The following FGF12 variants were observed in gnomAD, a reference collection of about 807,000 sequenced individuals.
FGF12 encodes fibroblast growth factor 12, also known as fibroblast growth factor 12B.
FGF12 carries 14 observed loss-of-function variants against 23.6 expected under a neutral mutation model. The ratio of observed to expected loss-of-function variants is 0.59; its 90% confidence interval spans 0.39 to 0.93. The LOEUF is 0.93. Among genes scored for constraint, FGF12 ranks in the 40% least tolerant of loss-of-function variants. FGF12 has a pLI of 0.00. For missense variants in FGF12, 175 were observed against 217.8 expected (o/e 0.80, Z 1.24); for synonymous variants, 62 against 77.3 (o/e 0.80, Z 1.04).
chr3:192,526,110 A>G (rs781272636), intron 2 of FGF12, among the ~76,000 whole-genome samples: 5 of 152,130 alleles, frequency 3.3e-5, no homozygotes, highest in Admixed American at 6.6e-5. Context: ...ATGTTTTTGC[A>G]CATGATAGTT....
intron 2 of FGF12, among the ~76,000 whole-genome samples, chr3:192,468,495 G>A (rs186263046): frequency 1.3e-5 from 2 of 152,276 alleles, no homozygotes; most frequent in East Asian, 3.9e-4. Flanking sequence ...TTTGTAGACT[G>A]TCTCACAATT....
rs1713387736 is a variant in FGF12 at position 192,270,811 on chromosome 3, GGAAGGAAA to G, written c.228+64542_228+64549del. On this transcript the variant is annotated intron_variant, in intron 4 of 5. Coordinates refer to ENST00000445105, the MANE Select transcript of FGF12 (RefSeq NM_004113.6). ...GGGAAGGAAGGAAGGAAGGAAGGAA[GGAAGGAAA>G]GAAGGAAGGAAGGAAGGAAGATAAA... Among the ~76,000 whole-genome samples, 3 of 144,406 alleles carry G rather than the reference GGAAGGAAA, an allele frequency of 2.1e-5. No individual in the cohort carries two copies. In the South Asian group the frequency reaches 7.1e-4, roughly 34 times the overall value. The allele number at this position is 144,406 out of a possible 152,430, so 94.7% of individuals were successfully genotyped here.
In FGF12 at chr3:192,393,681, A is replaced by G. The variant is rs55678168; in HGVS notation, c.14-33143T>C. Among the ~76,000 whole-genome samples, 1,281 of 152,312 alleles carry G rather than the reference A, an allele frequency of 8.4e-3. 8 individuals carry two copies. The highest frequency in any genetic ancestry group is 0.024 in the Middle Eastern group (7 of 294). On this transcript the variant is annotated intron_variant, in intron 2 of 5. Transcript: ENST00000445105. ...TATGGAAATAGATAATGTGGATAAT[A>G]TACATGAATAAAATTCACAGAAACT...
intron 2 of FGF12, among the ~76,000 whole-genome samples, chr3:192,551,302 G>C (rs1711523328): frequency 6.6e-6 from 1 of 152,192 alleles, no homozygotes; most frequent in South Asian, 2.1e-4. Flanking sequence ...GTTTCGGGCT[G>C]GTAAGGTAGC....
chr3:192,418,468 C>CA lies in FGF12; in HGVS notation c.14-57931dup, dbSNP rs749219536. Among the ~76,000 whole-genome samples the CA allele has an allele frequency of 2.6e-5, 4 of 152,134 alleles. No homozygotes were observed. The East Asian group carries it at 7.7e-4, about 29-fold the overall frequency. ...AATCCTTTGAACCACAGAAAAATAT[C>CA]AAAAAACTCTGCGTTCCAATTATAG... is the stretch of plus-strand genomic sequence containing the variant. On this transcript the variant is annotated intron_variant, in intron 2 of 5. Transcript: ENST00000445105.
intron 4 of FGF12, among the ~76,000 whole-genome samples, chr3:192,260,729 G>A (rs1352505528): frequency 1.3e-5 from 2 of 152,136 alleles, no homozygotes; most frequent in Non-Finnish European, 2.9e-5. Context: ...CTTCTATGGA[G>A]GGAGGGCTGA....
chr3:192,323,733 G>A (rs1394236746), intron 4 of FGF12, among the ~76,000 whole-genome samples: 1 of 152,206 alleles, frequency 6.6e-6, no homozygotes, highest in African/African-American at 2.4e-5. Context: ...AAGGGTAAGT[G>A]TTTGAGGTAA....
chr3:192,535,152 G>A (rs1725194823), intron 2 of FGF12, among the ~76,000 whole-genome samples: 1 of 152,092 alleles, frequency 6.6e-6, no homozygotes. Context: ...GAAGAACAAT[G>A]CTGAATAATA....
At chr3:192,457,396 G>A (rs1722713632) in intron 2 of FGF12, among the ~76,000 whole-genome samples, 1 of 152,158 alleles carries the variant, frequency 6.6e-6, no homozygotes, top group Admixed American at 6.5e-5. Context: ...CTTGTTGAAT[G>A]GTTTTGACTA....
At chr3:192,274,423 T>A (rs1354205677) in intron 4 of FGF12, among the ~76,000 whole-genome samples, 1 of 152,164 alleles carries the variant, frequency 6.6e-6, no homozygotes, top group Non-Finnish European at 1.5e-5. Flanking sequence ...TTTATATACC[T>A]CACAAGAACT....
At chr3:192,608,302 T>C (rs2108637313) in intron 2 of FGF12, among the ~76,000 whole-genome samples, 1 of 152,252 alleles carries the variant, frequency 6.6e-6, no homozygotes, top group South Asian at 2.1e-4. Flanking sequence ...AAGAGTATAA[T>C]TGGAATGTTT....
intron 2 of FGF12, among the ~76,000 whole-genome samples, chr3:192,361,937 T>C (rs1264484292): frequency 6.6e-6 from 1 of 152,198 alleles, no homozygotes; most frequent in Non-Finnish European, 1.5e-5. Flanking sequence ...AACTGGAAAT[T>C]AGGTATTCTA....
chr3:192,656,622 C>A (rs911571125), intron 2 of FGF12, among the ~76,000 whole-genome samples: 1 of 152,100 alleles, frequency 6.6e-6, no homozygotes, highest in Non-Finnish European at 1.5e-5. Context: ...CACAGGACAG[C>A]CTCCCACCTC....
chr3:192,256,260 A>G (rs1253632266), intron 4 of FGF12, among the ~76,000 whole-genome samples: 1 of 152,014 alleles, frequency 6.6e-6, no homozygotes, highest in Non-Finnish European at 1.5e-5. Flanking sequence ...GAAACTTTCA[A>G]TAATCTGACC....
chr3:192,493,012 A>T (rs1204202218), intron 2 of FGF12, among the ~76,000 whole-genome samples: 1 of 139,350 alleles, frequency 7.2e-6, no homozygotes, highest in Non-Finnish European at 1.5e-5. Context: ...GGCCAGGCTC[A>T]TCTTGAACTC....
intron 2 of FGF12, among the ~76,000 whole-genome samples, chr3:192,656,412 G>A (rs911991607): frequency 5.9e-5 from 9 of 151,970 alleles, no homozygotes; most frequent in Admixed American, 5.9e-4. Flanking sequence ...ATTCACTTGT[G>A]ACCACTATTT....
intron 2 of FGF12, among the ~76,000 whole-genome samples, chr3:192,522,530 T>G (rs2108846747): frequency 6.6e-6 from 1 of 152,306 alleles, no homozygotes; most frequent in South Asian, 2.1e-4. Context: ...AATGCCTTTA[T>G]GGATAGCTAT....
At chr3:192,399,837 G>A (rs1317334183) in intron 2 of FGF12, among the ~76,000 whole-genome samples, 2 of 152,176 alleles carry the variant, frequency 1.3e-5, no homozygotes, top group African/African-American at 2.4e-5. Flanking sequence ...AGGGAACCAA[G>A]TTTGGTCTTA....
intron 2 of FGF12, among the ~76,000 whole-genome samples, chr3:192,578,807 T>G (rs949574161): frequency 3.3e-5 from 5 of 152,356 alleles, no homozygotes; most frequent in African/African-American, 1.2e-4. Flanking sequence ...GGATTTGATT[T>G]TAGTTCTCCT....
Sources: gnomAD v4.1 joint callset for allele counts (sites outside exome capture counted in the v4.1 genomes callset) on GRCh38, gnomAD v4.1.1 for gene constraint, MANE v1.5 for transcripts, NCBI Gene and HGNC (gene_info 2026-07-23, HGNC 2026-07-21) for gene names.